Variants in ZFR observed in about 807,000 individuals in gnomAD.
The protein encoded by ZFR is zinc finger RNA-binding protein.
In ZFR, 19 loss-of-function variants were observed where a neutral mutation model predicts 130.7. The ratio of observed to expected loss-of-function variants is 0.15; its 90% CI spans 0.10 to 0.21. The LOEUF (loss-of-function observed/expected upper bound fraction) is 0.21, where lower values mean the gene tolerates loss of function less well. ZFR is among the 10% of genes least tolerant of loss of function. The probability of loss-of-function intolerance (pLI) is 1.00; values close to 1 mark genes in which losing one functional copy is unlikely to be tolerated. For synonymous variants in ZFR, 466 were observed against 456.9 expected (o/e 1.02, Z -0.25); for missense variants, 872 against 1,321.5 (o/e 0.66, Z 5.27).
At chr5:32,413,457 G>A (rs1392776853) in intron 5 of ZFR, among the ~76,000 whole-genome samples, 9 of 151,932 alleles carry the variant, frequency 5.9e-5, no homozygotes, top group Admixed American at 5.9e-4. Flanking sequence ...TTAGTGTCTA[G>A]GAGTAGAAAT....
At chr5:32,405,691 G>A (rs1351460370) in intron 6 of ZFR, among the ~76,000 whole-genome samples, 3 of 152,056 alleles carry the variant, frequency 2.0e-5, no homozygotes, top group Non-Finnish European at 4.4e-5. Flanking sequence ...ATTCTTGTTC[G>A]CTTTCATGTT....
At chr5:32,390,490 A>G in intron 11 of ZFR, 53 bp from the exon 12 acceptor site, 7 of 1,520,954 alleles carry the variant, frequency 4.6e-6, no homozygotes, top group Non-Finnish European at 6.3e-6. Flanking sequence ...ACAGCCCAAG[A>G]ACTTGCATCA....
intron 2 of ZFR, among the ~76,000 whole-genome samples, chr5:32,433,936 G>A (rs983662582): frequency 1.3e-5 from 2 of 152,114 alleles, no homozygotes; most frequent in East Asian, 1.9e-4. Flanking sequence ...AGCTGGGCAC[G>A]GTGGCACATG....
At chr5:32,368,319 T>TC (rs1222506611) in intron 17 of ZFR, among the ~76,000 whole-genome samples, 1 of 152,204 alleles carries the variant, frequency 6.6e-6, no homozygotes, top group African/African-American at 2.4e-5. Context: ...CACCGCAACC[T>TC]CCACCTCCCA....
intron 17 of ZFR, among the ~76,000 whole-genome samples, chr5:32,369,694 C>T (rs1017676760): frequency 6.6e-6 from 1 of 151,992 alleles, no homozygotes; most frequent in African/African-American, 2.4e-5. Flanking sequence ...CACCTACAGT[C>T]CTATGTACGT....
chr5:32,413,216 C>CA (rs982180581), intron 5 of ZFR, among the ~76,000 whole-genome samples: 1 of 150,388 alleles, frequency 6.6e-6, no homozygotes, highest in Non-Finnish European at 1.5e-5. Flanking sequence ...CAAAACAAAA[C>CA]AAAAAACAAA....
intron 19 of ZFR, 121 bp from the exon 20 acceptor site, chr5:32,356,060 A>G: frequency 2.8e-6 from 2 of 712,808 alleles, no homozygotes; most frequent in African/African-American, 3.7e-5. Flanking sequence ...AAACATTTAA[A>G]GGAATTACTT....
At chr5:32,378,707 T>G (rs1369018270) in intron 17 of ZFR, among the ~76,000 whole-genome samples, 1 of 152,122 alleles carries the variant, frequency 6.6e-6, no homozygotes, top group African/African-American at 2.4e-5. Flanking sequence ...TTTTTTTGTA[T>G]TATTTTTGAA....
intron 5 of ZFR, among the ~76,000 whole-genome samples, chr5:32,411,002 T>A (rs573842024): frequency 3.9e-5 from 6 of 152,356 alleles, no homozygotes; most frequent in African/African-American, 1.4e-4. Flanking sequence ...TGTTTCCAGT[T>A]TCTGTCTCAT....
intron 2 of ZFR, among the ~76,000 whole-genome samples, chr5:32,435,408 T>C (rs1310507616): frequency 6.6e-6 from 1 of 152,252 alleles, no homozygotes; most frequent in African/African-American, 2.4e-5. Flanking sequence ...TTCGTAAATG[T>C]GGGTGAAACA....
chr5:32,359,230 T>C (rs1327186418), intron 19 of ZFR, among the ~76,000 whole-genome samples: 1 of 151,850 alleles, frequency 6.6e-6, no homozygotes, highest in Non-Finnish European at 1.5e-5. Context: ...GTCTGTCCAA[T>C]CCGTGGCCCT....
At chr5:32,363,924 C>A in intron 19 of ZFR, 24 bp downstream of exon 19, 1 of 1,599,528 alleles carries the variant, frequency 6.3e-7, no homozygotes. Context: ...CCCAATAGGG[C>A]TCTGAATTTA....
chr5:32,371,213 T>C (rs1179756186), intron 17 of ZFR, among the ~76,000 whole-genome samples: 4 of 152,014 alleles, frequency 2.6e-5, no homozygotes, highest in Non-Finnish European at 1.5e-5. Flanking sequence ...CTATTAAAAA[T>C]AAAGACATTA....
intron 9 of ZFR, among the ~76,000 whole-genome samples, chr5:32,399,440 A>G (rs948111511): frequency 1.1e-4 from 16 of 152,376 alleles, no homozygotes; most frequent in African/African-American, 3.8e-4. Flanking sequence ...CTCTAAAGTC[A>G]AAGTAAATAG....
Position 32,419,956 on chromosome 5 carries a change from T to C in ZFR, c.285A>G (p.Val95=). The C allele has an allele frequency of 6.2e-7, 1 of 1,613,896 alleles. No homozygotes were observed. The highest frequency in any genetic ancestry group is 8.5e-7 in the Non-Finnish European group (1 of 1,179,974). The change falls in exon 3 of 20, where the codon GTA becomes GTG. Residue 95 remains valine, a synonymous_variant. Coordinates refer to ENST00000265069, the MANE Select transcript of ZFR (RefSeq NM_016107.5). Reference sequence around the variant, plus strand: ...CAGCTGTTGCAGCAGCTGCAACAGCTACTGGAGCAGGCCTGGCAACTGCAA... The same window carrying C: ...CAGCTGTTGCAGCAGCTGCAACAGCCACTGGAGCAGGCCTGGCAACTGCAA... ...ATVAVARPAP[V]AVAAAATAAA...
intron 2 of ZFR, 149 bp downstream of exon 2, chr5:32,444,080 C>T: frequency 2.2e-6 from 1 of 464,948 alleles, no homozygotes. Flanking sequence ...CGGGGCGGGG[C>T]GGGAGAGGCC....
chr5:32,411,141 A>G (rs1258339444), intron 5 of ZFR, among the ~76,000 whole-genome samples: 1 of 152,184 alleles, frequency 6.6e-6, no homozygotes, highest in Non-Finnish European at 1.5e-5. Flanking sequence ...CCTGTGTGAC[A>G]TGGCTGACCG....
At chr5:32,444,127 G>T in intron 2 of ZFR, 102 bp downstream of exon 2, 1 of 1,335,966 alleles carries the variant, frequency 7.5e-7, no homozygotes, top group South Asian at 1.4e-5. Flanking sequence ...AGCGGGCCGG[G>T]GCTCTGGGAT....
chr5:32,411,189 A>G (rs1464187042), intron 5 of ZFR, among the ~76,000 whole-genome samples: 1 of 152,232 alleles, frequency 6.6e-6, no homozygotes, highest in African/African-American at 2.4e-5. Flanking sequence ...TGTATCTGTA[A>G]TAACTTTCAG....
Sources: allele counts gnomAD v4.1 joint callset (sites outside exome capture counted in the v4.1 genomes callset), GRCh38; gene constraint gnomAD v4.1.1; transcripts MANE v1.5; gene names NCBI Gene and HGNC (gene_info 2026-07-23, HGNC 2026-07-21).